GRM7: variants seen among roughly 807,000 people sequenced by gnomAD.
The protein encoded by GRM7 is metabotropic glutamate receptor 7.
In GRM7, 35 loss-of-function variants were observed where a neutral mutation model predicts 84.5. The observed-to-expected ratio is 0.41, with a 90% CI of 0.32 to 0.55. The LOEUF (loss-of-function observed/expected upper bound fraction) is 0.55. Among genes scored for constraint, GRM7 ranks in the 20% least tolerant of loss-of-function variants. The probability of loss-of-function intolerance (pLI) is 0.19; values close to 1 mark genes in which losing one functional copy is unlikely to be tolerated. For synonymous variants in GRM7, 487 were observed against 455.1 expected (o/e 1.07, Z -0.89); for missense variants, 1,003 against 1,194.6 (o/e 0.84, Z 2.36).
intron 2 of GRM7, among the ~76,000 whole-genome samples, chr3:7,167,599 C>T (rs559417135): frequency 2.0e-5 from 3 of 152,220 alleles, no homozygotes; most frequent in Admixed American, 6.5e-5. Context: ...ATGGGTCCTT[C>T]GGAATCTTCT....
At chr3:7,222,292 A>C (rs1356245497) in intron 2 of GRM7, among the ~76,000 whole-genome samples, 1 of 152,064 alleles carries the variant, frequency 6.6e-6, no homozygotes, top group East Asian at 1.9e-4. Context: ...ACCTAGATTA[A>C]GGTAGTGCTG....
At chr3:7,434,967 T>A (rs967194815) in intron 5 of GRM7, among the ~76,000 whole-genome samples, 2 of 152,168 alleles carry the variant, frequency 1.3e-5, no homozygotes, top group Non-Finnish European at 2.9e-5. Flanking sequence ...TATATTCAAT[T>A]TATTTAACAT....
At position 6,914,717 on chromosome 3, in the gene GRM7, A is replaced by G. The variant is rs1397460205; in HGVS notation, c.519+52810A>G. On this transcript the variant is annotated intron_variant, in intron 1 of 9. Coordinates refer to ENST00000357716, the MANE Select transcript of GRM7 (RefSeq NM_000844.4). ...TGCCCGGCCCTATTTTCACATTTTG[A>G]TATGTCTATGATACCAGTCTCTTGA... is the stretch of plus-strand genomic sequence containing the variant. Among the ~76,000 whole-genome samples, 3 of 152,046 alleles carry G rather than the reference A, an allele frequency of 2.0e-5. No homozygotes were observed. The South Asian group carries it at 6.2e-4, about 31-fold the overall frequency.
At chr3:7,232,237 C>G (rs931569891) in intron 2 of GRM7, among the ~76,000 whole-genome samples, 2 of 151,150 alleles carry the variant, frequency 1.3e-5, no homozygotes, top group Non-Finnish European at 2.9e-5. Context: ...TTTTTTTGCT[C>G]ACTCAGATCT....
intron 4 of GRM7, among the ~76,000 whole-genome samples, chr3:7,318,666 G>C (rs1012356956): frequency 6.6e-6 from 1 of 151,864 alleles, no homozygotes; most frequent in African/African-American, 2.4e-5. Context: ...GCATTTTTTA[G>C]GCTCAGTATA....
intron 1 of GRM7, among the ~76,000 whole-genome samples, chr3:6,978,261 C>T (rs945483336): frequency 2.0e-5 from 3 of 152,070 alleles, no homozygotes; most frequent in African/African-American, 7.2e-5. Context: ...AGCTGGGGAG[C>T]TCCTGGAGCC....
chr3:7,132,842 T>C lies in GRM7; in HGVS notation c.520-13610T>C, dbSNP rs972224735. ...CATAGCATTTCTGTTAAGTGCACTT[T>C]ATTGTTCACTAACTTGTTGAAAACT... On this transcript the variant is annotated intron_variant, in intron 1 of 9. Transcript: ENST00000357716. Among the ~76,000 whole-genome samples, 4 of 152,222 alleles carry C rather than the reference T, an allele frequency of 2.6e-5. No individual in the cohort carries two copies. In the South Asian group the frequency reaches 8.3e-4, roughly 31 times the overall value.
chr3:7,057,864 A>C (rs112726888), intron 1 of GRM7, among the ~76,000 whole-genome samples: 2 of 151,946 alleles, frequency 1.3e-5, no homozygotes, highest in African/African-American at 4.8e-5. Flanking sequence ...TTACAAATCT[A>C]CGTAGGCAAA....
intron 7 of GRM7, among the ~76,000 whole-genome samples, chr3:7,523,885 C>G (rs1700692370): frequency 6.6e-6 from 1 of 152,024 alleles, no homozygotes; most frequent in Non-Finnish European, 1.5e-5. Context: ...TATAAAATTT[C>G]AAGACTTTGA....
intron 4 of GRM7, among the ~76,000 whole-genome samples, chr3:7,371,190 A>C (rs1575233934): frequency 1.3e-5 from 2 of 152,184 alleles, no homozygotes; most frequent in African/African-American, 4.8e-5. Flanking sequence ...AGACCACAAT[A>C]GAGTGACGTA....
chr3:7,136,452 G>T (rs1378424359), intron 1 of GRM7, among the ~76,000 whole-genome samples: 2 of 151,978 alleles, frequency 1.3e-5, no homozygotes, highest in African/African-American at 4.8e-5. Context: ...AAAACAGAGT[G>T]AGCAGCTTCC....
At chr3:7,546,058 T>G (rs1693129635) in intron 7 of GRM7, among the ~76,000 whole-genome samples, 2 of 152,198 alleles carry the variant, frequency 1.3e-5, no homozygotes, top group South Asian at 4.1e-4. Flanking sequence ...GTTATTATTA[T>G]CATTAACTCA....
chr3:7,516,374 G>A (rs1234579837), intron 7 of GRM7, among the ~76,000 whole-genome samples: 1 of 149,474 alleles, frequency 6.7e-6, no homozygotes, highest in African/African-American at 2.5e-5. Context: ...CTACTTGGGG[G>A]GCTGAGGCAG....
At chr3:7,598,260 A>G (rs746687837) in intron 8 of GRM7, among the ~76,000 whole-genome samples, 5 of 152,204 alleles carry the variant, frequency 3.3e-5, no homozygotes, top group Non-Finnish European at 5.9e-5. Flanking sequence ...GCTCTTCTCT[A>G]TCCTCTAGCT....
At chr3:7,099,416 A>C (rs913808078) in intron 1 of GRM7, among the ~76,000 whole-genome samples, 3 of 148,820 alleles carry the variant, frequency 2.0e-5, no homozygotes, top group Non-Finnish European at 4.5e-5. Context: ...AATACATATT[A>C]TGCATGTATA....
At chr3:7,676,581 C>G (rs566508838) in intron 8 of GRM7, among the ~76,000 whole-genome samples, 5 of 83,926 alleles carry the variant, frequency 6.0e-5, no homozygotes, top group Admixed American at 3.5e-4. Flanking sequence ...GGCTCAGCCT[C>G]CTGAGTTACT....
chr3:7,677,965 G>A (rs1247852493), intron 8 of GRM7, among the ~76,000 whole-genome samples: 12 of 152,070 alleles, frequency 7.9e-5, no homozygotes, highest in Admixed American at 7.9e-4. Flanking sequence ...CATTTTTCTA[G>A]GTGAATTAAC....
chr3:7,719,538 C>A (rs1040894001), intron 9 of GRM7, among the ~76,000 whole-genome samples: 1 of 152,004 alleles, frequency 6.6e-6, no homozygotes, highest in Non-Finnish European at 1.5e-5. Flanking sequence ...TACAGCTGGG[C>A]GCGGTGGCTC....
chr3:7,684,696 T>C (rs1302588769), intron 9 of GRM7, among the ~76,000 whole-genome samples: 1 of 152,168 alleles, frequency 6.6e-6, no homozygotes, highest in Non-Finnish European at 1.5e-5. Flanking sequence ...AAAGAAAAAC[T>C]CCATTATGTG....
Sources: allele counts gnomAD v4.1 joint callset (sites outside exome capture counted in the v4.1 genomes callset), GRCh38; gene constraint gnomAD v4.1.1; transcripts MANE v1.5; gene names NCBI Gene and HGNC (gene_info 2026-07-23, HGNC 2026-07-21).